The following CSMD1 variants were observed in gnomAD, a reference collection of about 807,000 sequenced individuals.
CSMD1 encodes the protein CUB and Sushi multiple domains 1, also known as CUB and sushi domain-containing protein 1.
Under a neutral mutation model 417.5 loss-of-function variants are expected in CSMD1, and 213 were observed. The observed-to-expected ratio is 0.51, with a 90% confidence interval of 0.46 to 0.57. The LOEUF is 0.57. Among genes scored for constraint, CSMD1 ranks in the 20% least tolerant of loss-of-function variants. The pLI is 0.00. For missense variants in CSMD1, 6,923 were observed against 4,529.7 expected (o/e 1.53, Z -15.17); for synonymous variants, 2,862 against 1,736.8 (o/e 1.65, Z -16.11).
intron 4 of CSMD1, among the ~76,000 whole-genome samples, chr8:4,016,888 C>T (rs973406970): frequency 1.1e-4 from 17 of 152,142 alleles, no homozygotes; most frequent in African/African-American, 3.9e-4. Flanking sequence ...GTTCACAATC[C>T]TGAAAAACAC....
intron 49 of CSMD1, among the ~76,000 whole-genome samples, chr8:3,057,295 T>A (rs1812298137): frequency 6.6e-6 from 1 of 152,204 alleles, no homozygotes; most frequent in Non-Finnish European, 1.5e-5. Context: ...TAAATATGCA[T>A]TTAACTTGCA....
chr8:3,375,505 T>A (rs945669659), intron 18 of CSMD1, among the ~76,000 whole-genome samples: 47 of 152,284 alleles, frequency 3.1e-4, no homozygotes, highest in African/African-American at 1.1e-3. Flanking sequence ...AGACTCTCCA[T>A]GCCCTACAGA....
intron 3 of CSMD1, among the ~76,000 whole-genome samples, chr8:4,038,339 G>A (rs1056899878): frequency 1.3e-5 from 2 of 151,988 alleles, no homozygotes; most frequent in Admixed American, 6.6e-5. Flanking sequence ...AAATCCATTA[G>A]CAATTTTACT....
intron 3 of CSMD1, among the ~76,000 whole-genome samples, chr8:4,361,271 CTACT>C (rs1427554750): frequency 6.6e-6 from 1 of 152,144 alleles, no homozygotes; most frequent in African/African-American, 2.4e-5. Flanking sequence ...GAAAATATTA[CTACT>C]TACTCATAAA....
intron 1 of CSMD1, among the ~76,000 whole-genome samples, chr8:4,942,992 G>A (rs76961783): frequency 0.026 from 4,002 of 152,198 alleles, 165 homozygotes; most frequent in East Asian, 0.15. Flanking sequence ...AAAGTCAGGC[G>A]CTCTCAGGAC....
At chr8:3,287,285 G>T (rs1200879830) in intron 25 of CSMD1, among the ~76,000 whole-genome samples, 2 of 151,766 alleles carry the variant, frequency 1.3e-5, no homozygotes, top group African/African-American at 4.8e-5. Context: ...GGTGATTCGG[G>T]CTCTTTTTTG....
At position 2,954,207 on chromosome 8, in the gene CSMD1, T is replaced by C. The variant is rs539191027; in HGVS notation, c.10039+17A>G. On this transcript the variant is annotated intron_variant, in intron 65 of 69. Transcript: ENST00000635120. Reference sequence around the variant, plus strand: ...ACTTTATTGGATTGAAATCTAGAACTGTTCTGGTATACAAACCTGGAGTTT... The same window carrying C: ...ACTTTATTGGATTGAAATCTAGAACCGTTCTGGTATACAAACCTGGAGTTT... 1.3e-5 allele frequency: 19 copies of C among 1,434,822 alleles called. No homozygotes were observed. In the South Asian group the frequency reaches 1.9e-4, roughly 15 times the overall value. 88.9% of individuals were successfully genotyped at this position (1,434,822 alleles called of 1,614,324 possible). A position where few individuals can be genotyped will look rare whatever the true frequency, so the allele number is the denominator to read the frequency against.
intron 25 of CSMD1, among the ~76,000 whole-genome samples, chr8:3,289,161 AT>A (rs1307511936): frequency 4.1e-5 from 6 of 147,384 alleles, no homozygotes; most frequent in Non-Finnish European, 2.9e-5. Flanking sequence ...TGAACTCATC[AT>A]TTTTTATGGC....
intron 5 of CSMD1, among the ~76,000 whole-genome samples, chr8:3,914,503 T>G (rs2554680): frequency 6.6e-6 from 1 of 152,214 alleles, no homozygotes; most frequent in Non-Finnish European, 1.5e-5. Context: ...GTGCAATCTG[T>G]GTAAAGTTTA....
At chr8:3,433,572 A>G (rs1814361011) in intron 12 of CSMD1, among the ~76,000 whole-genome samples, 1 of 152,180 alleles carries the variant, frequency 6.6e-6, no homozygotes, top group African/African-American at 2.4e-5. Context: ...TTCTCATTAA[A>G]GCCATGCACA....
chr8:4,468,984 T>C (rs1800357435), intron 2 of CSMD1, among the ~76,000 whole-genome samples: 1 of 152,178 alleles, frequency 6.6e-6, no homozygotes, highest in South Asian at 2.1e-4. Flanking sequence ...ATGGGTATAG[T>C]TCTCTTATCA....
intron 1 of CSMD1, among the ~76,000 whole-genome samples, chr8:4,815,746 T>C (rs528526100): frequency 6.6e-6 from 1 of 151,482 alleles, no homozygotes; most frequent in South Asian, 2.1e-4. Context: ...TTAAATCTTT[T>C]TAAAAGGAGT....
chr8:4,984,025 G>C (rs549282368), intron 1 of CSMD1, among the ~76,000 whole-genome samples: 2 of 152,282 alleles, frequency 1.3e-5, no homozygotes, highest in South Asian at 4.1e-4. Flanking sequence ...GACTGATTAT[G>C]GAGGACTTTG....
At chr8:3,727,818 G>A (rs1585142183) in intron 6 of CSMD1, among the ~76,000 whole-genome samples, 1 of 152,196 alleles carries the variant, frequency 6.6e-6, no homozygotes, top group Admixed American at 6.5e-5. Context: ...TGCCACAGAT[G>A]GGTGAGCTTT....
At chr8:3,208,402 G>T (rs1449050491) in intron 30 of CSMD1, among the ~76,000 whole-genome samples, 4 of 152,062 alleles carry the variant, frequency 2.6e-5, no homozygotes, top group African/African-American at 9.7e-5. Flanking sequence ...GAGCAGCAGG[G>T]ACTACAGGTG....
chr8:3,886,764 G>C (rs894572954), intron 5 of CSMD1, among the ~76,000 whole-genome samples: 1 of 152,158 alleles, frequency 6.6e-6, no homozygotes, highest in African/African-American at 2.4e-5. Flanking sequence ...GCAGGACACA[G>C]ACTTAGGGAC....
At chr8:4,462,093 T>G (rs1457405266) in intron 2 of CSMD1, among the ~76,000 whole-genome samples, 1 of 151,926 alleles carries the variant, frequency 6.6e-6, no homozygotes, top group Non-Finnish European at 1.5e-5. Context: ...CAGGCTGGTC[T>G]CAAACTCCTG....
chr8:3,966,556 G>C (rs796338053), intron 5 of CSMD1, among the ~76,000 whole-genome samples: 30 of 152,130 alleles, frequency 2.0e-4, no homozygotes, highest in African/African-American at 6.5e-4. Context: ...TTATTTTCTT[G>C]CCAATTTCTT....
intron 10 of CSMD1, among the ~76,000 whole-genome samples, chr8:3,546,271 T>TA (rs34556563): frequency 0.56 from 83,651 of 150,694 alleles, 23,409 homozygotes; most frequent in East Asian, 0.67. Context: ...CCTCTATTAT[T>TA]AAAAAAAAAA....
Sources: gnomAD v4.1 joint callset for allele counts (sites outside exome capture counted in the v4.1 genomes callset) on GRCh38, gnomAD v4.1.1 for gene constraint, MANE v1.5 for transcripts, NCBI Gene and HGNC (gene_info 2026-07-23, HGNC 2026-07-21) for gene names.